The following ANKRD18A variants were observed in gnomAD, a reference collection of about 807,000 sequenced individuals.
ANKRD18A encodes ankyrin repeat domain 18A.
ANKRD18A carries 72 observed loss-of-function variants against 110.6 expected under a neutral mutation model. The ratio of observed to expected loss-of-function variants is 0.65; its 90% CI spans 0.54 to 0.79. The LOEUF is 0.79. Among genes scored for constraint, ANKRD18A ranks in the 30% least tolerant of loss-of-function variants. The pLI is 0.00. For synonymous variants in ANKRD18A, 305 were observed against 410.3 expected (o/e 0.74, Z 3.10); for missense variants, 934 against 1,163.3 (o/e 0.80, Z 2.87).
chr9:38,581,353 T>C (rs796397844), intron 12 of ANKRD18A, among the ~76,000 whole-genome samples: 30 of 152,248 alleles, frequency 2.0e-4, no homozygotes, highest in African/African-American at 7.2e-4. Flanking sequence ...ACTCTGATAA[T>C]AAGGCAAGGG....
intron 6 of ANKRD18A, among the ~76,000 whole-genome samples, chr9:38,606,855 T>G (rs1309192054): frequency 1.3e-5 from 2 of 152,148 alleles, no homozygotes; most frequent in Non-Finnish European, 2.9e-5. Flanking sequence ...CTTATTTATA[T>G]TAATACAAAA....
rs1824865795 is a variant in ANKRD18A at position 38,596,044 on chromosome 9, C to T, written c.1296G>A (p.Glu432=). The T allele has an allele frequency of 6.4e-7, 1 of 1,550,782 alleles. No homozygotes were observed. The highest frequency in any genetic ancestry group is 1.4e-5 in the African/African-American group (1 of 72,928). The change falls in exon 9 of 16, where the codon GAG becomes GAA. Residue 432 remains glutamate (E), a synonymous_variant. Transcript: ENST00000399703. ...CTTTTCTTTCCACAATTTCATTGTACTCATTTATAGCAGTGGCCAGGCTAG... is the reference window on the plus strand; with the variant it reads ...CTTTTCTTTCCACAATTTCATTGTATTCATTTATAGCAGTGGCCAGGCTAG... ...LHSSLATAIN[E]YNEIVERKDL...
chr9:38,592,628 A>G (rs547819649), intron 10 of ANKRD18A, among the ~76,000 whole-genome samples: 16 of 152,242 alleles, frequency 1.1e-4, no homozygotes, highest in African/African-American at 3.9e-4. Flanking sequence ...TAACCTGTAA[A>G]TGAATGTTTG....
rs1173701141 is a variant in ANKRD18A, at chr9:38,611,240, T to C, written c.577A>G (p.Ile193Val). The C allele has an allele frequency of 9.8e-6, 15 of 1,526,404 alleles. No homozygotes were observed. Among genetic ancestry groups the C allele is most frequent in the Non-Finnish European group, 1.3e-5 (15 of 1,140,334 alleles). The allele number at this position is 1,526,404 out of a possible 1,614,324, so 94.6% of individuals were successfully genotyped here. A position where few individuals can be genotyped will look rare whatever the true frequency, so the allele number is the denominator to read the frequency against. Residue 193 changes from isoleucine to valine, a missense_variant, in exon 4 of 16, where the codon ATA (isoleucine) becomes GTA (valine). By Grantham distance (29) the Ile-to-Val change is conservative (BLOSUM62 3). Around this residue, in one of 4 missense-constraint regions of ANKRD18A, gnomAD observed 630 missense variants for 797.5 expected, o/e 0.79. Coordinates refer to ENST00000399703, the MANE Select transcript of ANKRD18A (RefSeq NM_147195.4). ...CTTTTGAAATTGTCAACGGCATGTA[T>C]ATTTGCCTGGTTCTTCAATAAAAAT... ...VEFLLKNQANIHAVDNFKRTA... is the reference protein window; with the variant it reads ...VEFLLKNQANVHAVDNFKRTA...
At chr9:38,606,744 T>C (rs1299986826) in intron 6 of ANKRD18A, among the ~76,000 whole-genome samples, 1 of 152,142 alleles carries the variant, frequency 6.6e-6, no homozygotes, top group Non-Finnish European at 1.5e-5. Context: ...ATGTAAACCA[T>C]TTACTATAAA....
chr9:38,577,898 T>G lies in ANKRD18A; in HGVS notation c.2498A>C (p.Glu833Ala). 2 of 1,597,278 alleles carry G rather than the reference T, an allele frequency of 1.3e-6. No individual in the cohort carries two copies. Among genetic ancestry groups the G allele is most frequent in the Non-Finnish European group, 1.7e-6 (2 of 1,172,882 alleles). The change falls in exon 13 of 16, where the codon GAA becomes GCA. Residue 833 changes from glutamate to alanine, a missense_variant. Transcript: ENST00000399703. ...KSELDERAVQEIEKLEEIHLQ... is the reference protein window; with the variant it reads ...KSELDERAVQAIEKLEEIHLQ... Reference sequence around the variant, plus strand: ...ATGGATTTCTTCTAATTTTTCTATTTCCTGCACTGCCCTTTCATCCAGCTC... The same window carrying G: ...ATGGATTTCTTCTAATTTTTCTATTGCCTGCACTGCCCTTTCATCCAGCTC...
chr9:38,612,752 C>G (rs565074328), intron 3 of ANKRD18A, among the ~76,000 whole-genome samples: 208 of 151,990 alleles, frequency 1.4e-3, no homozygotes, highest in African/African-American at 4.5e-3. Flanking sequence ...CTCCTGACCT[C>G]GTGATCTGCC....
intron 10 of ANKRD18A, among the ~76,000 whole-genome samples, chr9:38,591,155 G>A (rs2118751634): frequency 6.7e-6 from 1 of 150,174 alleles, no homozygotes; most frequent in South Asian, 2.1e-4. Flanking sequence ...TTTTGGTAGA[G>A]TCAGGGTCTC....
chr9:38,587,267 A>C (rs1587500547), intron 11 of ANKRD18A, among the ~76,000 whole-genome samples: 2 of 152,358 alleles, frequency 1.3e-5, no homozygotes, highest in East Asian at 3.9e-4. Context: ...GTACAAAACC[A>C]TGTAGAGAAA....
At position 38,577,995 on chromosome 9, in the gene ANKRD18A, C is replaced by A; in HGVS notation, c.2401G>T (p.Glu801Ter). Residue 801 changes from glutamate to a stop codon, truncating the protein, a stop_gained, in exon 13 of 16, where the codon GAA becomes TAA. Coordinates refer to ENST00000399703, the MANE Select transcript of ANKRD18A (RefSeq NM_147195.4). LOFTEE classifies it high-confidence loss of function. ...ATATGTGTCTTAAGATTTAATACTT[C>A]TTCTTCCAACATCTTTTTATCCTTC... is the stretch of plus-strand genomic sequence containing the variant. ...LEKDKKMLEE[E>*]VLNLKTHMEK... 1 of 1,563,404 alleles carries A rather than the reference C, an allele frequency of 6.4e-7. No individual in the cohort carries two copies. The highest frequency in any genetic ancestry group is 8.7e-7 in the Non-Finnish European group (1 of 1,151,438).
intron 1 of ANKRD18A, among the ~76,000 whole-genome samples, chr9:38,617,580 T>A (rs1210836026): frequency 6.6e-6 from 1 of 152,170 alleles, no homozygotes; most frequent in Non-Finnish European, 1.5e-5. Context: ...ATGATTAATA[T>A]TAGTATTTAA....
At chr9:38,612,859 A>T (rs933495440) in intron 3 of ANKRD18A, among the ~76,000 whole-genome samples, 1 of 151,964 alleles carries the variant, frequency 6.6e-6, no homozygotes, top group Non-Finnish European at 1.5e-5. Context: ...AGAAAGATAT[A>T]ATGTCTGCAA....
At chr9:38,584,297 A>T (rs1824282258) in intron 12 of ANKRD18A, among the ~76,000 whole-genome samples, 1 of 152,230 alleles carries the variant, frequency 6.6e-6, no homozygotes, top group African/African-American at 2.4e-5. Flanking sequence ...AATTATGCTA[A>T]GTGAAATAAG....
At chr9:38,587,302 A>C (rs536259517) in intron 11 of ANKRD18A, among the ~76,000 whole-genome samples, 32 of 152,340 alleles carry the variant, frequency 2.1e-4, no homozygotes, top group African/African-American at 7.7e-4. Flanking sequence ...AATGTTGATT[A>C]GAATCAGAAA....
intron 1 of ANKRD18A, among the ~76,000 whole-genome samples, chr9:38,618,359 A>G (rs1245402266): frequency 6.6e-6 from 1 of 152,202 alleles, no homozygotes; most frequent in Non-Finnish European, 1.5e-5. Flanking sequence ...TGTATGTGCA[A>G]GCAAACTGAT....
chr9:38,605,473 C>T (rs2996352), intron 6 of ANKRD18A, among the ~76,000 whole-genome samples: 5,158 of 152,192 alleles, frequency 0.034, 269 homozygotes, highest in African/African-American at 0.12. Context: ...TTAACGGTGT[C>T]TTTATACAGT....
In ANKRD18A at chr9:38,571,513, T is replaced by C. The variant is rs1438116525; in HGVS notation, c.*532A>G. The stretch of plus-strand genomic sequence containing the variant: ...TAGTGGGTTTTGAGGAGTAACCAGA[T>C]ATTTACAGAGCTTCAAAGTATCTCC... On this transcript the variant is annotated 3_prime_UTR_variant, in exon 16 of 16. Transcript: ENST00000399703. The C allele has an allele frequency of 4.7e-6, 4 of 854,828 alleles. No homozygotes were observed. The highest frequency in any genetic ancestry group is 5.8e-6 in the Non-Finnish European group (4 of 694,768). 53.0% of individuals were successfully genotyped at this position (854,828 alleles called of 1,614,324 possible).
In ANKRD18A at chr9:38,578,202, A is replaced by G. The variant is rs1345191711; in HGVS notation, c.2248-54T>C. ...AATGAAGTAGGCTGAGAATAATCCA[A>G]TACAAAACCAATAGCAAATTTTGAA... On this transcript the variant is annotated intron_variant, in intron 12 of 15. Coordinates refer to ENST00000399703, the MANE Select transcript of ANKRD18A (RefSeq NM_147195.4). 5.7e-5 allele frequency: 84 copies of G among 1,465,660 alleles called. No homozygotes were observed. The East Asian group carries it at 2.0e-3, about 34-fold the overall frequency. The allele number at this position is 1,465,660 out of a possible 1,614,324, so 90.8% of individuals were successfully genotyped here. A position where few individuals can be genotyped will look rare whatever the true frequency, so the allele number is the denominator to read the frequency against.
intron 1 of ANKRD18A, among the ~76,000 whole-genome samples, chr9:38,619,028 G>A (rs2118916619): frequency 6.6e-6 from 1 of 150,806 alleles, no homozygotes; most frequent in Admixed American, 6.6e-5. Context: ...ATATATATAG[G>A]AAATATTTTT....
Sources: allele counts gnomAD v4.1 joint callset (sites outside exome capture counted in the v4.1 genomes callset), GRCh38; gene constraint gnomAD v4.1.1; regional missense constraint gnomAD v4.1.1; transcripts MANE v1.5; gene names NCBI Gene and HGNC (gene_info 2026-07-23, HGNC 2026-07-21).